Variants in TARBP2 observed in about 807,000 individuals in gnomAD.
TARBP2 encodes the protein TARBP2 subunit of RISC loading complex.
A neutral mutation model predicts 40.4 loss-of-function variants in TARBP2; 23 were observed. The observed-to-expected ratio is 0.57, with a 90% CI of 0.41 to 0.81. The LOEUF is 0.81. TARBP2 is among the 30% of genes least tolerant of loss of function. The pLI is 0.00. For missense variants in TARBP2, 358 were observed against 473.7 expected (o/e 0.76, Z 2.27); for synonymous variants, 183 against 190.5 (o/e 0.96, Z 0.32).
In TARBP2 at chr12:53,501,815, C is replaced by CT. The variant is rs1057015708; in HGVS notation, c.54-198dup. On this transcript the variant is annotated intron_variant, in intron 1 of 8. Coordinates refer to ENST00000266987, the MANE Select transcript of TARBP2 (RefSeq NM_134323.2). ...TTAACTGAGGCAGGAGCAATGCATT[C>CT]TTCCCCCCTTGCTTTGGGGTAGTGG... 110 of 1,311,498 alleles carry CT rather than the reference C, an allele frequency of 8.4e-5. No individual in the cohort carries two copies. In the African/African-American group the frequency reaches 1.5e-3, roughly 18 times the overall value. The allele number at this position is 1,311,498 out of a possible 1,614,324, so 81.2% of individuals were successfully genotyped here. A position where few individuals can be genotyped will look rare whatever the true frequency, so the allele number is the denominator to read the frequency against.
In TARBP2 at chr12:53,502,044, G is replaced by C; in HGVS notation, c.83G>C (p.Gly28Ala). The C allele has an allele frequency of 6.2e-7, 1 of 1,614,174 alleles. No homozygotes were observed. Among genetic ancestry groups the C allele is most frequent in the Non-Finnish European group, 8.5e-7 (1 of 1,180,030 alleles). Residue 28 changes from glycine (G) to alanine (A), a missense_variant, in exon 2 of 9, where the codon GGC (glycine) becomes GCC (alanine). Coordinates refer to ENST00000266987, the MANE Select transcript of TARBP2 (RefSeq NM_134323.2). The part of the protein sequence containing the change: ...SIEQMLAANP[G>A]KTPISLLQEY... ...GAGCAAATGCTGGCCGCCAACCCAG[G>C]CAAGACCCCGATCAGCCTTCTGCAG...
chr12:53,503,539 G>T, intron 3 of TARBP2, 174 bp from the exon 4 acceptor site: 1 of 601,274 alleles, frequency 1.7e-6, no homozygotes, highest in Non-Finnish European at 3.0e-6. Context: ...TCTTTTCGCC[G>T]GTGTTTGGCA....
At chr12:53,502,265 C>T (rs1378580003) in intron 2 of TARBP2, 81 bp downstream of exon 2, 3 of 1,514,478 alleles carry the variant, frequency 2.0e-6, no homozygotes, top group East Asian at 2.4e-5. Context: ...TCTCTCTTCA[C>T]AGTCCTTTTC....
Position 53,501,318 on chromosome 12 carries a change from C to G in TARBP2, c.-91C>G. On this transcript the variant is annotated 5_prime_UTR_variant, in exon 1 of 9. Transcript: ENST00000266987. ...GCGGCGGGCCCTACCGGCCGCGACT[C>G]CGGGCTTGGCCCCGGCCCTAGCTCG... 1.4e-6 allele frequency: 2 copies of G among 1,470,656 alleles called. No homozygotes were observed. Among genetic ancestry groups the G allele is most frequent in the Non-Finnish European group, 9.2e-7 (1 of 1,084,468 alleles). The allele number at this position is 1,470,656 out of a possible 1,614,324, so 91.1% of individuals were successfully genotyped here.
chr12:53,501,899 C>A lies in TARBP2; in HGVS notation c.54-116C>A, dbSNP rs554861651. On this transcript the variant is annotated intron_variant, in intron 1 of 8. Transcript: ENST00000266987. The stretch of plus-strand genomic sequence containing the variant: ...ACCCAGCCAATGGATGCTAGACTGT[C>A]TGGGGTTCCTTGGACCCTATGTCCC... 217 of 1,471,200 alleles carry A rather than the reference C, an allele frequency of 1.5e-4. 1 individual carries two copies. In the South Asian group the frequency reaches 2.8e-3, roughly 19 times the overall value. 91.1% of individuals were successfully genotyped at this position (1,471,200 alleles called of 1,614,324 possible).
intron 2 of TARBP2, 168 bp from the exon 3 acceptor site, chr12:53,502,859 G>C: frequency 1.6e-6 from 1 of 615,506 alleles, no homozygotes; most frequent in Non-Finnish European, 2.6e-6. Context: ...AAAGATAAGG[G>C]CTCTTCCTTC....
At chr12:53,503,888 T>TA (rs2137264515) in intron 4 of TARBP2, 80 bp downstream of exon 4, 1 of 1,041,812 alleles carries the variant, frequency 9.6e-7, no homozygotes. Context: ...GGACCCAAGC[T>TA]GGTCAGGCAT....
rs1020390389 is a variant in TARBP2, at chr12:53,503,542, G to C, written c.327-171G>C. 15 of 608,892 alleles carry C rather than the reference G, an allele frequency of 2.5e-5. No homozygotes were observed. In the African/African-American group the frequency reaches 2.8e-4, roughly 11 times the overall value. 37.7% of individuals were successfully genotyped at this position (608,892 alleles called of 1,614,324 possible). A position where few individuals can be genotyped will look rare whatever the true frequency, so the allele number is the denominator to read the frequency against. On this transcript the variant is annotated intron_variant, in intron 3 of 8. Coordinates refer to ENST00000266987, the MANE Select transcript of TARBP2 (RefSeq NM_134323.2). ...CTCTTTTCTCAGTCTTTTCGCCGGT[G>C]TTTGGCAGCAAAGGATCCGAGGAGG...
At position 53,504,794 on chromosome 12, in the gene TARBP2, G is replaced by A; in HGVS notation, c.592G>A (p.Val198Met). Residue 198 changes from valine to methionine, a missense_variant, in exon 6 of 9, where the codon GTG becomes ATG. By Grantham distance (21) the Val-to-Met change is conservative (BLOSUM62 1). Around this residue, in one of 3 missense-constraint regions of TARBP2, gnomAD observed 317 missense variants for 422.9 expected, o/e 0.75. Transcript: ENST00000266987. ...HRKEFTMTCR[V>M]ERFIEIGSGT... ...CAAAGAATTCACCATGACCTGTCGAGTGGAGCGTTTCATTGAGATTGGTAA... is the reference window on the plus strand; with the variant it reads ...CAAAGAATTCACCATGACCTGTCGAATGGAGCGTTTCATTGAGATTGGTAA... 6.2e-7 allele frequency: 1 copy of A among 1,614,140 alleles called. No homozygotes were observed.
chr12:53,504,925 A>G, intron 6 of TARBP2, 110 bp downstream of exon 6: 1 of 1,465,806 alleles, frequency 6.8e-7, no homozygotes, highest in South Asian at 1.3e-5. Context: ...TCTTAGCTTC[A>G]CAGTCCCTAG....
chr12:53,506,367 G>C lies in TARBP2; in HGVS notation c.*219G>C. 1.7e-6 allele frequency: 1 copy of C among 589,736 alleles called. No individual in the cohort carries two copies. Among genetic ancestry groups the C allele is most frequent in the Non-Finnish European group, 2.9e-6 (1 of 339,472 alleles). 36.5% of individuals were successfully genotyped at this position (589,736 alleles called of 1,614,324 possible). A position where few individuals can be genotyped will look rare whatever the true frequency, so the allele number is the denominator to read the frequency against. On this transcript the variant is annotated 3_prime_UTR_variant, in exon 9 of 9. Transcript: ENST00000266987. ...CCTCATTTTATTGGTGATGATGAAT[G>C]GGAATGAAATCAGGGGGCTGTCTAC...
chr12:53,502,002 C>A lies in TARBP2; in HGVS notation c.54-13C>A. 6.2e-7 allele frequency: 1 copy of A among 1,613,704 alleles called. No individual in the cohort carries two copies. Among genetic ancestry groups the A allele is most frequent in the Non-Finnish European group, 8.5e-7 (1 of 1,179,752 alleles). ...AGGGGAGGTGTGATGTGGGTCTGTG[C>A]CCCTTCCCCCAGTATAGAGCAAATG... On this transcript the variant is annotated splice_polypyrimidine_tract_variant and intron_variant, in intron 1 of 8. Coordinates refer to ENST00000266987, the MANE Select transcript of TARBP2 (RefSeq NM_134323.2).
rs765225281 is a variant in TARBP2 at position 53,505,972 on chromosome 12, CCT to C, written c.944-12_944-11del. 3.1e-6 allele frequency: 5 copies of C among 1,610,882 alleles called. No homozygotes were observed. Among genetic ancestry groups the C allele is most frequent in the Admixed American group, 1.7e-5 (1 of 59,916 alleles). The stretch of plus-strand genomic sequence containing the variant: ...CTACCTCCCCCAACATTGCCTCCCT[CCT>C]CTCTCTTGCTCTCCAGAGGAGCTGA... On this transcript the variant is annotated splice_polypyrimidine_tract_variant and intron_variant, in intron 8 of 8. Coordinates refer to ENST00000266987, the MANE Select transcript of TARBP2 (RefSeq NM_134323.2). The surrounding 1 kb of genome is among the most constrained non-coding windows in gnomAD (Gnocchi z 4.5).
rs771938453 is a variant in TARBP2, at chr12:53,501,998, T to G, written c.54-17T>G. 1 of 1,613,794 alleles carries G rather than the reference T, an allele frequency of 6.2e-7. No homozygotes were observed. On this transcript the variant is annotated splice_polypyrimidine_tract_variant and intron_variant, in intron 1 of 8. Coordinates refer to ENST00000266987, the MANE Select transcript of TARBP2 (RefSeq NM_134323.2). ...AGAGAGGGGAGGTGTGATGTGGGTC[T>G]GTGCCCCTTCCCCCAGTATAGAGCA...
chr12:53,502,001 GCCC>G lies in TARBP2; in HGVS notation c.54-12_54-10del, dbSNP rs1000863261. Reference sequence around the variant, plus strand: ...GAGGGGAGGTGTGATGTGGGTCTGTGCCCCTTCCCCCAGTATAGAGCAAATGCT... The same window carrying G: ...GAGGGGAGGTGTGATGTGGGTCTGTGCTTCCCCCAGTATAGAGCAAATGCT... On this transcript the variant is annotated splice_polypyrimidine_tract_variant and intron_variant, in intron 1 of 8. Transcript: ENST00000266987. 1.2e-6 allele frequency: 2 copies of G among 1,613,736 alleles called. No homozygotes were observed. The highest frequency in any genetic ancestry group is 2.7e-5 in the African/African-American group (2 of 74,914).
upstream of TARBP2, chr12:53,501,268 G>A (rs939676579): frequency 1.2e-5 from 10 of 830,838 alleles, no homozygotes; most frequent in Non-Finnish European, 1.9e-5. Context: ...GGGTGGGCGG[G>A]GGACTCCATA....
At chr12:53,501,517 G>C (rs954211634) in intron 1 of TARBP2, 56 bp downstream of exon 1, 2 of 1,549,606 alleles carry the variant, frequency 1.3e-6, no homozygotes, top group Admixed American at 2.0e-5. Context: ...CGTGCGGAGG[G>C]AGTAGCGGCG....
At position 53,501,995 on chromosome 12, in the gene TARBP2, G is replaced by C; in HGVS notation, c.54-20G>C. 3.1e-6 allele frequency: 5 copies of C among 1,613,706 alleles called. No homozygotes were observed. The highest frequency in any genetic ancestry group is 3.4e-6 in the Non-Finnish European group (4 of 1,179,766). On this transcript the variant is annotated intron_variant, in intron 1 of 8. Coordinates refer to ENST00000266987, the MANE Select transcript of TARBP2 (RefSeq NM_134323.2). ...TGCAGAGAGGGGAGGTGTGATGTGG[G>C]TCTGTGCCCCTTCCCCCAGTATAGA...
In TARBP2 at chr12:53,505,513, C is replaced by A; in HGVS notation, c.742-136C>A. ...CCAGGGCCTGGTAGTTAGAAGGGGCCACCCAGGGATTGACTGGGGGGAGGC... is the reference window on the plus strand; with the variant it reads ...CCAGGGCCTGGTAGTTAGAAGGGGCAACCCAGGGATTGACTGGGGGGAGGC... On this transcript the variant is annotated intron_variant, in intron 7 of 8. Coordinates refer to ENST00000266987, the MANE Select transcript of TARBP2 (RefSeq NM_134323.2). The surrounding 1 kb of genome is among the most constrained non-coding windows in gnomAD (Gnocchi z 4.5). The A allele has an allele frequency of 1.8e-6, 2 of 1,093,190 alleles. No individual in the cohort carries two copies. Among genetic ancestry groups the A allele is most frequent in the Non-Finnish European group, 2.7e-6 (2 of 745,734 alleles). 67.7% of individuals were successfully genotyped at this position (1,093,190 alleles called of 1,614,324 possible). A position where few individuals can be genotyped will look rare whatever the true frequency, so the allele number is the denominator to read the frequency against.
Sources: allele counts gnomAD v4.1 joint callset, GRCh38; gene constraint gnomAD v4.1.1; regional missense constraint gnomAD v4.1.1; non-coding constraint Gnocchi (gnomAD v3.1); transcripts MANE v1.5; gene names NCBI Gene and HGNC (gene_info 2026-07-23, HGNC 2026-07-21).